RELN: variants seen among roughly 807,000 people sequenced by gnomAD.
The protein encoded by RELN is reelin.
Under a neutral mutation model 427.6 loss-of-function variants are expected in RELN, and 108 were observed. The ratio of observed to expected loss-of-function variants is 0.25; its 90% CI spans 0.22 to 0.30. The LOEUF is 0.30. RELN is among the 10% of genes least tolerant of loss of function. RELN has a pLI of 1.00. For synonymous variants in RELN, 1,524 were observed against 1,513.4 expected (o/e 1.01, Z -0.16); for missense variants, 3,715 against 4,302.8 (o/e 0.86, Z 3.82).
intron 36 of RELN, 64 bp downstream of exon 36, chr7:103,561,468 G>C (rs1387006872): frequency 7.6e-6 from 9 of 1,180,292 alleles, no homozygotes; most frequent in Non-Finnish European, 1.1e-5. Context: ...TTTGTGTTGA[G>C]CAGTGACTGA....
intron 1 of RELN, among the ~76,000 whole-genome samples, chr7:103,921,041 G>A (rs1423595493): frequency 6.6e-6 from 1 of 152,208 alleles, no homozygotes; most frequent in African/African-American, 2.4e-5. Flanking sequence ...GAAGCAAGGT[G>A]TATGATTGAT....
Position 103,565,301 on chromosome 7 carries a change from A to G in RELN, c.5187T>C (p.Thr1729=). The change falls in exon 34 of 65, where the codon ACT becomes ACC. Residue 1729 remains threonine, a synonymous_variant. Transcript: ENST00000428762. Reference sequence around the variant, plus strand: ...ACATGGTGGAGAGTGGAAGGTAGACAGTGATCCGCTTCCAATTCTGGAATC... The same window carrying G: ...ACATGGTGGAGAGTGGAAGGTAGACGGTGATCCGCTTCCAATTCTGGAATC... ...SERFQNWKRI[T]VYLPLSTISP... The G allele has an allele frequency of 1.2e-6, 2 of 1,614,200 alleles. No individual in the cohort carries two copies. Among genetic ancestry groups the G allele is most frequent in the Non-Finnish European group, 1.7e-6 (2 of 1,180,002 alleles).
intron 8 of RELN, among the ~76,000 whole-genome samples, chr7:103,710,645 G>A (rs1789770860): frequency 6.6e-6 from 1 of 152,196 alleles, no homozygotes; most frequent in Non-Finnish European, 1.5e-5. Flanking sequence ...GAGTTGCAAA[G>A]GCAAATATTA....
chr7:103,761,026 T>C (rs1288742916), intron 4 of RELN, among the ~76,000 whole-genome samples: 1 of 152,214 alleles, frequency 6.6e-6, no homozygotes, highest in Non-Finnish European at 1.5e-5. Flanking sequence ...ATACTTATGC[T>C]CAGTATAAAA....
chr7:103,641,522 A>G (rs1351330497), intron 16 of RELN, among the ~76,000 whole-genome samples: 1 of 152,186 alleles, frequency 6.6e-6, no homozygotes, highest in Non-Finnish European at 1.5e-5. Context: ...AGGCTGAGTC[A>G]TTAAAGATAT....
rs183919927 is a variant in RELN at position 103,867,843 on chromosome 7, A to G, written c.338-34171T>C. Among the ~76,000 whole-genome samples the G allele has an allele frequency of 2.7e-3, 414 of 152,024 alleles. 2 individuals are homozygous for G. Among genetic ancestry groups the G allele is most frequent in the African/African-American group, 9.4e-3 (391 of 41,504 alleles). On this transcript the variant is annotated intron_variant, in intron 2 of 64. Coordinates refer to ENST00000428762, the MANE Select transcript of RELN (RefSeq NM_005045.4). Reference sequence around the variant, plus strand: ...AATGACCGATTTTTTTTCTGTGATAAAACAATGTGTACCAATCACAAACTG... The same window carrying G: ...AATGACCGATTTTTTTTCTGTGATAGAACAATGTGTACCAATCACAAACTG...
intron 3 of RELN, among the ~76,000 whole-genome samples, chr7:103,799,156 C>A (rs1030788304): frequency 2.0e-5 from 3 of 152,044 alleles, no homozygotes; most frequent in African/African-American, 7.2e-5. Flanking sequence ...TGAAATGGTG[C>A]CAAAATTATC....
At chr7:103,986,903 C>T (rs1231366473) in intron 1 of RELN, among the ~76,000 whole-genome samples, 1 of 150,460 alleles carries the variant, frequency 6.6e-6, no homozygotes, top group Non-Finnish European at 1.5e-5. Context: ...TTAAGTTTTC[C>T]TATTGGCAGT....
At position 103,924,991 on chromosome 7, in the gene RELN, T is replaced by TACACACACAC. The variant is rs57662220; in HGVS notation, c.227-7816_227-7807dup. On this transcript the variant is annotated intron_variant, in intron 1 of 64. Transcript: ENST00000428762. ...ACACACGTGTGCATGCGCATACACA[T>TACACACACAC]ACACACACACACACACACACACACA... Among the ~76,000 whole-genome samples the TACACACACAC allele has an allele frequency of 2.0e-3, 97 of 49,036 alleles. 1 individual carries two copies. Among genetic ancestry groups the TACACACACAC allele is most frequent in the South Asian group, 0.011 (11 of 1,042 alleles). The allele number at this position is 49,036 out of a possible 152,430, so 32.2% of individuals were successfully genotyped here.
chr7:103,505,621 C>T (rs766478576), intron 51 of RELN, among the ~76,000 whole-genome samples: 2 of 152,112 alleles, frequency 1.3e-5, no homozygotes, highest in Non-Finnish European at 2.9e-5. Flanking sequence ...GAGAAACCAG[C>T]GCAAAAAGGC....
intron 3 of RELN, among the ~76,000 whole-genome samples, chr7:103,793,504 T>C (rs1256838129): frequency 6.6e-6 from 1 of 152,222 alleles, no homozygotes; most frequent in African/African-American, 2.4e-5. Flanking sequence ...TCTCAGTGTT[T>C]CATGAAAATT....
intron 41 of RELN, among the ~76,000 whole-genome samples, chr7:103,549,313 C>T (rs1363925863): frequency 6.6e-6 from 1 of 152,156 alleles, no homozygotes; most frequent in African/African-American, 2.4e-5. Flanking sequence ...CCTGCTGGGT[C>T]CTCACATGGT....
chr7:103,550,664 T>C (rs895345272), intron 41 of RELN, among the ~76,000 whole-genome samples: 3 of 151,554 alleles, frequency 2.0e-5, no homozygotes, highest in African/African-American at 7.3e-5. Context: ...TGTGGGCTTC[T>C]ATGCTCCCTA....
At chr7:103,589,205 T>C (rs140768977) in intron 28 of RELN, among the ~76,000 whole-genome samples, 57 of 152,348 alleles carry the variant, frequency 3.7e-4, no homozygotes, top group African/African-American at 1.3e-3. Context: ...TGTCTGTCAG[T>C]ATTTCAGATG....
intron 43 of RELN, among the ~76,000 whole-genome samples, chr7:103,541,503 CA>C (rs1305552998): frequency 6.6e-6 from 1 of 152,154 alleles, no homozygotes; most frequent in Non-Finnish European, 1.5e-5. Flanking sequence ...TTACATGGAG[CA>C]TATTCAGGTC....
chr7:103,924,467 G>A (rs981208154), intron 1 of RELN, among the ~76,000 whole-genome samples: 1 of 152,144 alleles, frequency 6.6e-6, no homozygotes, highest in Non-Finnish European at 1.5e-5. Flanking sequence ...GGAGAATGCC[G>A]TGCAAATGCT....
At chr7:103,509,040 G>A (rs972338911) in intron 51 of RELN, among the ~76,000 whole-genome samples, 1 of 152,140 alleles carries the variant, frequency 6.6e-6, no homozygotes, top group African/African-American at 2.4e-5. Context: ...CTATGCCCAT[G>A]GTTAGGAAGA....
chr7:103,667,160 A>G (rs899958106), intron 11 of RELN, among the ~76,000 whole-genome samples: 82 of 152,338 alleles, frequency 5.4e-4, no homozygotes, highest in Non-Finnish European at 1.5e-4. Context: ...GAATTGCATG[A>G]GCTCAGCCAG....
chr7:103,897,757 A>T (rs978505922), intron 2 of RELN, among the ~76,000 whole-genome samples: 1 of 152,050 alleles, frequency 6.6e-6, no homozygotes, highest in Non-Finnish European at 1.5e-5. Context: ...CTTTAAAGAA[A>T]CCAAAACTGG....
Sources: gnomAD v4.1 joint callset for allele counts (sites outside exome capture counted in the v4.1 genomes callset) on GRCh38, gnomAD v4.1.1 for gene constraint, MANE v1.5 for transcripts, NCBI Gene and HGNC (gene_info 2026-07-23, HGNC 2026-07-21) for gene names.